The following GORAB variants were observed in gnomAD, a reference collection of about 807,000 sequenced individuals.
The protein encoded by GORAB is golgin, RAB6 interacting.
A neutral mutation model predicts 29.9 loss-of-function variants in GORAB; 17 were observed. That is an observed-to-expected ratio of 0.57 (90% CI 0.39 to 0.85). GORAB has a LOEUF of 0.85. GORAB is among the 40% of genes least tolerant of loss of function. GORAB has a pLI of 0.00. For synonymous variants in GORAB, 183 were observed against 157.2 expected, an observed-to-expected ratio of 1.16 and a Z score of -1.23; for missense variants, 442 against 437.8, an observed-to-expected ratio of 1.01 and a Z score of -0.09.
At position 170,552,299 on chromosome 1, in the gene GORAB, A is replaced by G. The variant is rs1650170656; in HGVS notation, c.947A>G (p.Glu316Gly). The G allele has an allele frequency of 6.2e-7, 1 of 1,614,002 alleles. No individual in the cohort carries two copies. The highest frequency in any genetic ancestry group is 8.5e-7 in the Non-Finnish European group (1 of 1,179,972). The change falls in exon 5 of 5, where the codon GAG (glutamate) becomes GGG (glycine). Residue 316 changes from glutamate to glycine, a missense_variant. Physicochemically the swap from Glu to Gly is moderately conservative, Grantham distance 98. Coordinates refer to ENST00000367763, the MANE Select transcript of GORAB (RefSeq NM_152281.3). ...GAGAGGCCATTTCAGCCTGCGGAGG[A>G]GAGTGTGACATTAGAATTTGCTAAA... ...RLERPFQPAE[E>G]SVTLEFAKEN...
At chr1:170,539,967 CTTT>C (rs769148399) in intron 2 of GORAB, among the ~76,000 whole-genome samples, 6 of 137,308 alleles carry the variant, frequency 4.4e-5, no homozygotes, top group Non-Finnish European at 4.8e-5. Flanking sequence ...TTTTTTCTTT[CTTT>C]TTTTTTTTTT....
In GORAB at chr1:170,542,474, C is replaced by T. The variant is rs772055920; in HGVS notation, c.420-17C>T. On this transcript the variant is annotated splice_polypyrimidine_tract_variant and intron_variant, in intron 2 of 4. Transcript: ENST00000367763. ...TTTCTTTCATAAACTCATTTTTATG[C>T]TTTTTTTGCCCCCTAGGCAAGAAAA... is the stretch of plus-strand genomic sequence containing the variant. The T allele has an allele frequency of 9.0e-6, 14 of 1,547,008 alleles. No individual in the cohort carries two copies. Among genetic ancestry groups the T allele is most frequent in the Admixed American group, 3.3e-5 (2 of 59,824 alleles).
chr1:170,551,116 C>G (rs1334061291), intron 4 of GORAB, among the ~76,000 whole-genome samples: 1 of 152,094 alleles, frequency 6.6e-6, no homozygotes, highest in Non-Finnish European at 1.5e-5. Flanking sequence ...AACAACTTAA[C>G]CCAAGGATTC....
intron 2 of GORAB, among the ~76,000 whole-genome samples, chr1:170,540,698 G>C (rs1649361527): frequency 2.0e-5 from 3 of 152,156 alleles, no homozygotes; most frequent in Non-Finnish European, 4.4e-5. Flanking sequence ...AATTTGGATT[G>C]GATGTTATAG....
intron 1 of GORAB, among the ~76,000 whole-genome samples, chr1:170,537,676 G>C (rs1649145012): frequency 6.6e-6 from 1 of 152,096 alleles, no homozygotes; most frequent in African/African-American, 2.4e-5. Context: ...AGGTGACTCG[G>C]AATTTGCCCC....
intron 2 of GORAB, among the ~76,000 whole-genome samples, chr1:170,541,185 C>T (rs1261859516): frequency 1.0e-5 from 1 of 95,840 alleles, no homozygotes; most frequent in Non-Finnish European, 1.9e-5. Flanking sequence ...GCCTGGGCAA[C>T]AGAGCAAGAT....
intron 3 of GORAB, 130 bp downstream of exon 3, chr1:170,542,722 AAAC>A (rs1649512990): frequency 2.7e-6 from 2 of 745,430 alleles, no homozygotes; most frequent in Non-Finnish European, 4.9e-6. Flanking sequence ...AAGACTAACT[AAAC>A]AAATTATGCT....
chr1:170,540,677 T>C (rs538934721), intron 2 of GORAB, among the ~76,000 whole-genome samples: 10 of 152,320 alleles, frequency 6.6e-5, no homozygotes, highest in South Asian at 2.1e-4. Context: ...TAAGTTTACA[T>C]TGAGCTGGAC....
chr1:170,540,854 A>AT (rs1215353482), intron 2 of GORAB, among the ~76,000 whole-genome samples: 1 of 152,208 alleles, frequency 6.6e-6, no homozygotes, highest in Non-Finnish European at 1.5e-5. Context: ...ATGATACCTC[A>AT]TTTCTCTGGG....
intron 1 of GORAB, among the ~76,000 whole-genome samples, chr1:170,536,885 G>A (rs1363148829): frequency 6.6e-6 from 1 of 152,154 alleles, no homozygotes; most frequent in East Asian, 1.9e-4. Context: ...GATGCAATAT[G>A]ACTATTAGAG....
intron 1 of GORAB, among the ~76,000 whole-genome samples, chr1:170,534,155 G>T (rs900966319): frequency 2.0e-5 from 3 of 152,178 alleles, no homozygotes; most frequent in Non-Finnish European, 4.4e-5. Flanking sequence ...CCATTAACAA[G>T]GGAATGGATA....
intron 2 of GORAB, 44 bp downstream of exon 2, chr1:170,539,611 C>G: frequency 6.3e-7 from 1 of 1,588,304 alleles, no homozygotes; most frequent in South Asian, 1.1e-5. Context: ...TTTCATTTAA[C>G]CCGTTTTTTC....
At position 170,552,500 on chromosome 1, in the gene GORAB, A is replaced by T; in HGVS notation, c.*38A>T. ...CTTTTGAGCTAATATGGTATTGAGT[A>T]AAGTATACTTTTTGCAGTAGATCAT... On this transcript the variant is annotated 3_prime_UTR_variant, in exon 5 of 5. Coordinates refer to ENST00000367763, the MANE Select transcript of GORAB (RefSeq NM_152281.3). The T allele has an allele frequency of 6.4e-7, 1 of 1,552,244 alleles. No individual in the cohort carries two copies. The highest frequency in any genetic ancestry group is 8.9e-7 in the Non-Finnish European group (1 of 1,125,876).
chr1:170,547,077 G>A (rs1304700272), intron 4 of GORAB, among the ~76,000 whole-genome samples: 1 of 152,180 alleles, frequency 6.6e-6, no homozygotes, highest in Non-Finnish European at 1.5e-5. Flanking sequence ...TCTTGTTCAT[G>A]CGTAAGATTA....
At chr1:170,544,923 T>G in intron 4 of GORAB, 78 bp downstream of exon 4, 1 of 1,561,876 alleles carries the variant, frequency 6.4e-7, no homozygotes, top group South Asian at 1.2e-5. Context: ...GGGGCTTTTA[T>G]GTATATCATC....
rs146944426 is a variant in GORAB, at chr1:170,543,529, A to G, written c.521+937A>G. Among the ~76,000 whole-genome samples the G allele has an allele frequency of 9.4e-4, 143 of 152,110 alleles. 3 individuals carry two copies. In the East Asian group the frequency reaches 0.017, roughly 18 times the overall value. Reference sequence around the variant, plus strand: ...AAATGGTGATTTTTCTTTTTCTACTACTGGTACACCTTGATCTTTCTTGAA... The same window carrying G: ...AAATGGTGATTTTTCTTTTTCTACTGCTGGTACACCTTGATCTTTCTTGAA... On this transcript the variant is annotated intron_variant, in intron 3 of 4. Transcript: ENST00000367763.
chr1:170,548,053 A>T (rs1649869657), intron 4 of GORAB, among the ~76,000 whole-genome samples: 1 of 152,332 alleles, frequency 6.6e-6, no homozygotes, highest in East Asian at 1.9e-4. Flanking sequence ...ATAAGAAGTA[A>T]TCCAAACTGG....
intron 1 of GORAB, among the ~76,000 whole-genome samples, chr1:170,535,222 C>G (rs984778011): frequency 6.6e-6 from 1 of 152,186 alleles, no homozygotes; most frequent in Non-Finnish European, 1.5e-5. Flanking sequence ...ATTCTCTCTT[C>G]TAAAAGGAGG....
At chr1:170,543,790 A>C (rs1050610378) in intron 3 of GORAB, among the ~76,000 whole-genome samples, 3 of 152,214 alleles carry the variant, frequency 2.0e-5, no homozygotes, top group Non-Finnish European at 4.4e-5. Context: ...AGACAGCACC[A>C]GTATAAACAG....
Sources: allele counts gnomAD v4.1 joint callset (sites outside exome capture counted in the v4.1 genomes callset), GRCh38; gene constraint gnomAD v4.1.1; transcripts MANE v1.5; gene names NCBI Gene and HGNC (gene_info 2026-07-23, HGNC 2026-07-21).